TMEM131L: variants seen among roughly 807,000 people sequenced by gnomAD.
TMEM131L encodes the protein transmembrane protein 131-like.
Under a neutral mutation model 192.2 loss-of-function variants are expected in TMEM131L, and 54 were observed. That is an observed-to-expected ratio of 0.28 (90% CI 0.23 to 0.35). The LOEUF (loss-of-function observed/expected upper bound fraction) is 0.35, where lower values mean the gene tolerates loss of function less well. TMEM131L is among the 10% of genes least tolerant of loss of function. The pLI, the probability that TMEM131L is intolerant of heterozygous loss-of-function variation, is 1.00. For missense variants in TMEM131L, 1,888 were observed against 1,972.9 expected (o/e 0.96, Z 0.82); for synonymous variants, 701 against 704.9 (o/e 0.99, Z 0.09).
intron 3 of TMEM131L, among the ~76,000 whole-genome samples, chr4:153,484,804 A>G (rs1732200106): frequency 6.8e-6 from 1 of 146,038 alleles, no homozygotes; most frequent in Non-Finnish European, 1.5e-5. Context: ...TGTAAGCATG[A>G]AAATTCTTTG....
chr4:153,469,883 G>T (rs946857362), intron 2 of TMEM131L, among the ~76,000 whole-genome samples: 1 of 152,156 alleles, frequency 6.6e-6, no homozygotes, highest in Non-Finnish European at 1.5e-5. Flanking sequence ...CTGAGATCGC[G>T]CTGAAGCACT....
rs538612095 is a variant in TMEM131L at position 153,556,295 on chromosome 4, C to G, written c.432+385C>G. ...TTTATGGTTGAGACCTCTTCCATCT[C>G]TCAAGCCTACTAGGAAAGTTAGGTC... On this transcript the variant is annotated intron_variant, in intron 5 of 34. Coordinates refer to ENST00000409959, the MANE Select transcript of TMEM131L (RefSeq NM_001131007.2). 3.9e-5 allele frequency among the ~76,000 whole-genome samples: 6 copies of G among 152,272 alleles called. No homozygotes were observed. In the East Asian group the frequency reaches 9.6e-4, roughly 24 times the overall value.
intron 25 of TMEM131L, among the ~76,000 whole-genome samples, chr4:153,606,657 C>T (rs958170648): frequency 6.6e-6 from 1 of 152,154 alleles, no homozygotes; most frequent in African/African-American, 2.4e-5. Flanking sequence ...AGATGGTAAA[C>T]CTGCCCAGAA....
At chr4:153,467,494 C>G (rs1379433132) in intron 2 of TMEM131L, among the ~76,000 whole-genome samples, 1 of 152,248 alleles carries the variant, frequency 6.6e-6, no homozygotes, top group Non-Finnish European at 1.5e-5. Flanking sequence ...CAGGCCGGCC[C>G]CAAGTTCAGA....
At chr4:153,488,631 T>C (rs1037920905) in intron 3 of TMEM131L, among the ~76,000 whole-genome samples, 37 of 152,186 alleles carry the variant, frequency 2.4e-4, no homozygotes, top group African/African-American at 8.9e-4. Flanking sequence ...GGGGGCTGGA[T>C]GGAGTAGGGC....
At chr4:153,625,247 C>T (rs890389892) in intron 29 of TMEM131L, among the ~76,000 whole-genome samples, 1 of 152,058 alleles carries the variant, frequency 6.6e-6, no homozygotes, top group African/African-American at 2.4e-5. Context: ...CCCATCTCTA[C>T]TAAAAATTCA....
At chr4:153,574,389 A>G (rs114377318) in intron 7 of TMEM131L, among the ~76,000 whole-genome samples, 1,807 of 152,296 alleles carry the variant, frequency 0.012, 30 homozygotes, top group Middle Eastern at 0.041. Context: ...GTACTTATTA[A>G]TAACTCAGCT....
chr4:153,485,445 A>ATACCCACTG (rs745731779), intron 3 of TMEM131L, among the ~76,000 whole-genome samples: 37 of 152,360 alleles, frequency 2.4e-4, no homozygotes, highest in Non-Finnish European at 4.3e-4. Flanking sequence ...AAGTGCCCAG[A>ATACCCACTG]TACCCACTGT....
At chr4:153,507,095 G>A (rs1441317405) in intron 3 of TMEM131L, among the ~76,000 whole-genome samples, 2 of 152,160 alleles carry the variant, frequency 1.3e-5, no homozygotes, top group African/African-American at 4.8e-5. Flanking sequence ...CAGAAGCAGA[G>A]TTGGGCAGAG....
chr4:153,535,403 TAC>T (rs1736241886), intron 3 of TMEM131L, among the ~76,000 whole-genome samples: 1 of 152,078 alleles, frequency 6.6e-6, no homozygotes, highest in Admixed American at 6.5e-5. Context: ...GGGTGGTGTT[TAC>T]AGCCTTCACG....
intron 3 of TMEM131L, among the ~76,000 whole-genome samples, chr4:153,532,681 A>G (rs2150248774): frequency 6.6e-6 from 1 of 152,006 alleles, no homozygotes; most frequent in Admixed American, 6.5e-5. Flanking sequence ...GGAATTTCAG[A>G]TCATCTTCAG....
At chr4:153,560,642 A>G (rs904842205) in intron 7 of TMEM131L, among the ~76,000 whole-genome samples, 2 of 152,136 alleles carry the variant, frequency 1.3e-5, no homozygotes, top group African/African-American at 2.4e-5. Context: ...AGATTTGTCT[A>G]TTTTGAACAT....
chr4:153,472,717 C>G (rs1731245308), intron 2 of TMEM131L, among the ~76,000 whole-genome samples: 1 of 152,152 alleles, frequency 6.6e-6, no homozygotes, highest in Non-Finnish European at 1.5e-5. Context: ...AAGTGTACCA[C>G]TCTGAAAGGG....
intron 3 of TMEM131L, among the ~76,000 whole-genome samples, chr4:153,481,211 C>G (rs1731917349): frequency 6.6e-6 from 1 of 152,118 alleles, no homozygotes; most frequent in Non-Finnish European, 1.5e-5. Flanking sequence ...TCCATAGCAC[C>G]CTGGCACTTA....
At chr4:153,610,847 A>T (rs1479804714) in intron 25 of TMEM131L, among the ~76,000 whole-genome samples, 1 of 152,190 alleles carries the variant, frequency 6.6e-6, no homozygotes, top group Non-Finnish European at 1.5e-5. Flanking sequence ...CAGAGCCTGC[A>T]GTCTGCTTTG....
intron 7 of TMEM131L, among the ~76,000 whole-genome samples, chr4:153,580,264 C>A (rs1561209996): frequency 6.6e-6 from 1 of 152,116 alleles, no homozygotes; most frequent in Admixed American, 6.5e-5. Flanking sequence ...GTCTTGCATT[C>A]TTTTTATATG....
chr4:153,510,170 T>C (rs963418109), intron 3 of TMEM131L, among the ~76,000 whole-genome samples: 1 of 152,172 alleles, frequency 6.6e-6, no homozygotes, highest in African/African-American at 2.4e-5. Flanking sequence ...TTTTTTGGTA[T>C]GCTTCCCTAT....
At chr4:153,627,557 C>T (rs1733935528) in intron 30 of TMEM131L, 48 bp from the exon 31 acceptor site, 1 of 1,432,386 alleles carries the variant, frequency 7.0e-7, no homozygotes, top group South Asian at 1.2e-5. Context: ...TCAGTATTTC[C>T]TCGTGCAGAA....
chr4:153,466,609 G>A, intron 1 of TMEM131L, 88 bp downstream of exon 1: 2 of 1,182,868 alleles, frequency 1.7e-6, no homozygotes, highest in Non-Finnish European at 2.1e-6. Context: ...ATAAGAGGGC[G>A]AGGGGAGGAA....
Sources: gnomAD v4.1 joint callset for allele counts (sites outside exome capture counted in the v4.1 genomes callset) on GRCh38, gnomAD v4.1.1 for gene constraint, MANE v1.5 for transcripts, NCBI Gene and HGNC (gene_info 2026-07-23, HGNC 2026-07-21) for gene names.